Variants in HELZ2 observed in about 807,000 individuals in gnomAD.
HELZ2 encodes the protein helicase with zinc finger 2, also known as 3'-5' exoribonuclease HELZ2.
Under a neutral mutation model 208.8 loss-of-function variants are expected in HELZ2, and 143 were observed. The ratio of observed to expected loss-of-function variants is 0.68; its 90% confidence interval spans 0.60 to 0.79. HELZ2 has a LOEUF of 0.79. HELZ2 is among the 30% of genes least tolerant of loss of function. HELZ2 has a pLI of 0.00. For synonymous variants in HELZ2, 1,705 were observed against 1,693.7 expected (o/e 1.01, Z -0.16); for missense variants, 3,690 against 3,794.5 (o/e 0.97, Z 0.72).
intron 7 of HELZ2, 25 bp from the exon 9 acceptor site, chr20:63,566,256 A>G: frequency 1.3e-6 from 2 of 1,489,266 alleles, no homozygotes; most frequent in Non-Finnish European, 9.0e-7. Flanking sequence ...CAGTCAGGTC[A>G]GGCTGGGTGC....
Position 63,562,945 on chromosome 20 carries a change from G to C in HELZ2, c.5877C>G (p.Ala1959=), listed in dbSNP as rs143139621. ...GCTGAAGTGTGACGGAGTCATTCTC[G>C]GCAACCGCGCCGGTGGCCGACTCCA... The change falls in exon 8 of 19, where the codon GCC becomes GCG. Residue 1959 remains alanine, a synonymous_variant. Coordinates refer to ENST00000467148, the Ensembl canonical transcript of HELZ2. 10,967 of 1,590,696 alleles carry C rather than the reference G, an allele frequency of 6.9e-3. 59 individuals are homozygous for C. The highest frequency in any genetic ancestry group is 0.01 in the Middle Eastern group (62 of 6,028).
chr20:63,569,643 A>G, exon 4 of HELZ2: 1 of 1,540,880 alleles, frequency 6.5e-7, no homozygotes, highest in Non-Finnish European at 8.8e-7. Flanking sequence ...CTGCTTCAGC[A>G]GGGCCACGTG....
At chr20:63,563,712 C>G (rs758737285) in exon 8 of HELZ2, 1 of 1,591,206 alleles carries the variant, frequency 6.3e-7, no homozygotes, top group Non-Finnish European at 8.5e-7. Flanking sequence ...CAGAGCCCAT[C>G]GATGTCCCTG....
exon 5 of HELZ2, chr20:63,568,738 C>G: frequency 6.2e-7 from 1 of 1,604,356 alleles, no homozygotes; most frequent in Middle Eastern, 1.8e-4. Context: ...AGCAGCGGGC[C>G]GGAAGCAGCA....
At chr20:63,558,864 A>G (rs892245691), downstream of HELZ2, 8 of 164,356 alleles carry the variant, frequency 4.9e-5, no homozygotes, top group Non-Finnish European at 9.2e-5. Flanking sequence ...TCATTTAAAT[A>G]GAAAATAAAC....
exon 8 of HELZ2, chr20:63,565,871 A>G (rs777149560): frequency 1.7e-5 from 27 of 1,597,776 alleles, no homozygotes; most frequent in Non-Finnish European, 2.2e-5. Flanking sequence ...CTCCTCGGCC[A>G]GGTCCCCTAC....
chr20:63,567,799 G>C (rs2082979129), intron 5 of HELZ2, 172 bp from the exon 7 acceptor site: 1 of 1,411,206 alleles, frequency 7.1e-7, no homozygotes, highest in Admixed American at 2.7e-5. Flanking sequence ...GGGGCAAGAG[G>C]CCACGGAGGG....
chr20:63,562,017 C>T, intron 10 of HELZ2, 33 bp from the exon 12 acceptor site: 1 of 1,596,300 alleles, frequency 6.3e-7, no homozygotes, highest in Non-Finnish European at 8.6e-7. Flanking sequence ...TGTAGCCCAC[C>T]CTGTGGGTCC....
At chr20:63,560,190 G>C in exon 17 of HELZ2, 1 of 1,555,886 alleles carries the variant, frequency 6.4e-7, no homozygotes, top group South Asian at 1.2e-5. Context: ...TGGTGATGGA[G>C]GACACGGCCA....
At chr20:63,561,633 G>C (rs2082888304) in exon 12 of HELZ2, 13 of 1,611,572 alleles carry the variant, frequency 8.1e-6, no homozygotes, top group Admixed American at 1.7e-5. Context: ...CCTCCCGGGG[G>C]CTCTTCCTGA....
At chr20:63,563,572 G>A (rs1449808415) in exon 8 of HELZ2, 1 of 1,525,554 alleles carries the variant, frequency 6.6e-7, no homozygotes, top group Admixed American at 2.0e-5. Flanking sequence ...AGCAGCGGGA[G>A]CCCGCCTCCA....
exon 1 of HELZ2, chr20:63,572,307 C>G (rs368168996): frequency 1.9e-6 from 3 of 1,586,796 alleles, no homozygotes; most frequent in Non-Finnish European, 1.7e-6. Context: ...GCCGTGCGCC[C>G]GTCGCCATCA....
chr20:63,566,217 C>T (rs2146017450), exon 8 of HELZ2: 1 of 1,489,188 alleles, frequency 6.7e-7, no homozygotes, highest in Non-Finnish European at 8.9e-7. Context: ...AGCACCACGA[C>T]CCGGAACTGC....
exon 13 of HELZ2, chr20:63,561,386 T>A (rs1343677441): frequency 6.2e-7 from 1 of 1,613,058 alleles, no homozygotes; most frequent in South Asian, 1.1e-5. Flanking sequence ...CTCCCCTCTC[T>A]GCAGCCGGGT....
chr20:63,569,069 T>C (rs1302724046), intron 4 of HELZ2, 70 bp from the exon 6 acceptor site: 53 of 1,587,690 alleles, frequency 3.3e-5, no homozygotes, highest in Non-Finnish European at 4.4e-5. Flanking sequence ...CACGCCCCCA[T>C]CCGCTCCCGT....
At chr20:63,568,559 G>T in exon 5 of HELZ2, 2 of 1,587,016 alleles carry the variant, frequency 1.3e-6, no homozygotes, top group East Asian at 2.3e-5. Context: ...CCGCAAGGGT[G>T]GGACAGACCA....
exon 6 of HELZ2, chr20:63,567,312 G>A (rs768186637): frequency 6.2e-6 from 10 of 1,609,726 alleles, no homozygotes; most frequent in Admixed American, 5.0e-5. Context: ...GCGAGGCATA[G>A]GCCAGCGGGG....
exon 8 of HELZ2, chr20:63,563,103 G>C: frequency 1.3e-6 from 2 of 1,595,944 alleles, no homozygotes; most frequent in Non-Finnish European, 1.7e-6. Context: ...CTGAAGCCCG[G>C]TGCCACCGTC....
chr20:63,560,878 G>A lies in HELZ2; in HGVS notation c.7198C>T (p.Arg2400Trp), dbSNP rs759344752. Residue 2400 changes from arginine (R) to tryptophan (W), a missense_variant, in exon 15 of 19, where the codon CGG becomes TGG. Around this residue, in one of 3 missense-constraint regions of HELZ2, gnomAD observed 2,564 missense variants for 2,580.5 expected, o/e 0.99. Transcript: ENST00000467148. ...CGGTCCAGACCCAGGTTTTGCAGCCGCTCATTCTTGACCACAGGCCGCAGC... is the reference window on the plus strand; with the variant it reads ...CGGTCCAGACCCAGGTTTTGCAGCCACTCATTCTTGACCACAGGCCGCAGC... The A allele has an allele frequency of 3.7e-5, 59 of 1,613,086 alleles. No individual in the cohort carries two copies. The East Asian group carries it at 4.2e-4, about 12-fold the overall frequency.
Sources: gnomAD v4.1 joint callset for allele counts on GRCh38, gnomAD v4.1.1 for gene constraint, gnomAD v4.1.1 regional missense constraint, MANE v1.5 for transcripts, NCBI Gene and HGNC (gene_info 2026-07-23, HGNC 2026-07-21) for gene names.